Variants in PTPN2 observed in about 807,000 individuals in gnomAD.
PTPN2 encodes the protein tyrosine-protein phosphatase non-receptor type 2.
Under a neutral mutation model 57.3 loss-of-function variants are expected in PTPN2, and 19 were observed. That is an observed-to-expected ratio of 0.33 (90% CI 0.23 to 0.49). The LOEUF (loss-of-function observed/expected upper bound fraction) is 0.49, where lower values mean the gene tolerates loss of function less well. Ranked by LOEUF, PTPN2 falls within the 20% of genes least tolerant of loss-of-function variation. PTPN2 has a pLI of 0.99. For missense variants in PTPN2, 358 were observed against 501.1 expected, an observed-to-expected ratio of 0.71 and a Z score of 2.73; for synonymous variants, 153 against 164.9, an observed-to-expected ratio of 0.93 and a Z score of 0.55.
chr18:12,827,873 T>C (rs1421061283), intron 4 of PTPN2, among the ~76,000 whole-genome samples: 4 of 152,108 alleles, frequency 2.6e-5, no homozygotes, highest in Admixed American at 6.5e-5. Context: ...CAAATATTTC[T>C]TTAACAAAAA....
Position 12,800,405 on chromosome 18 carries a change from T to C in PTPN2, c.1040+1565A>G, listed in dbSNP as rs561159826. Among the ~76,000 whole-genome samples, 13 of 152,242 alleles carry C rather than the reference T, an allele frequency of 8.5e-5. No homozygotes were observed. In the South Asian group the frequency reaches 2.3e-3, roughly 27 times the overall value. On this transcript the variant is annotated intron_variant, in intron 8 of 8. Transcript: ENST00000309660. Reference sequence around the variant, plus strand: ...CACTAGGAATCTGAAAGCCTTATTATTGAAAAAGCTAAGGTAACTTAAAAC... The same window carrying C: ...CACTAGGAATCTGAAAGCCTTATTACTGAAAAAGCTAAGGTAACTTAAAAC...
At chr18:12,883,779 G>T (rs1367388395) in intron 1 of PTPN2, 1 of 287,224 alleles carries the variant, frequency 3.5e-6, no homozygotes, top group South Asian at 9.9e-5. Context: ...CGCTGGTGGC[G>T]CATCCACGCG....
At chr18:12,869,565 T>C (rs1246954144) in intron 1 of PTPN2, among the ~76,000 whole-genome samples, 1 of 152,246 alleles carries the variant, frequency 6.6e-6, no homozygotes, top group Non-Finnish European at 1.5e-5. Context: ...ATAATATTTT[T>C]AGTATTTCGT....
intron 1 of PTPN2, 83 bp downstream of exon 1, chr18:12,883,981 AGAGGCGGGG>A (rs1270576699): frequency 1.7e-5 from 20 of 1,165,320 alleles, no homozygotes; most frequent in Middle Eastern, 2.2e-4. Context: ...GCTAGAGGCG[AGAGGCGGGG>A]GAGGCGGGAG....
At chr18:12,838,936 AAGG>A (rs1382329641) in intron 2 of PTPN2, among the ~76,000 whole-genome samples, 1 of 151,948 alleles carries the variant, frequency 6.6e-6, no homozygotes, top group East Asian at 1.9e-4. Context: ...TTAAAGCAAA[AAGG>A]AGAAATAAAA....
chr18:12,818,348 T>C (rs1011026815), intron 5 of PTPN2, among the ~76,000 whole-genome samples: 1 of 152,224 alleles, frequency 6.6e-6, no homozygotes, highest in Non-Finnish European at 1.5e-5. Flanking sequence ...CTCCTCTAAA[T>C]TGTTGCCTTT....
At chr18:12,862,290 C>A (rs1207162943) in intron 1 of PTPN2, 1 of 152,172 alleles carries the variant, frequency 6.6e-6, no homozygotes, top group African/African-American at 2.4e-5. Context: ...TCTTGAGTAG[C>A]TGGGATTACA....
intron 3 of PTPN2, among the ~76,000 whole-genome samples, chr18:12,832,068 C>T (rs753065628): frequency 2.0e-5 from 3 of 152,100 alleles, no homozygotes; most frequent in Non-Finnish European, 4.4e-5. Flanking sequence ...GCTAGGGCTG[C>T]CCAGAGCTTC....
At chr18:12,874,510 A>G (rs2044406929) in intron 1 of PTPN2, among the ~76,000 whole-genome samples, 2 of 113,018 alleles carry the variant, frequency 1.8e-5, no homozygotes, top group Non-Finnish European at 3.6e-5. Flanking sequence ...CTGCCCGGCC[A>G]GCCGCCCCGT....
intron 7 of PTPN2, among the ~76,000 whole-genome samples, chr18:12,802,687 A>G (rs553291972): frequency 3.4e-4 from 52 of 152,210 alleles, no homozygotes; most frequent in African/African-American, 4.6e-4. Context: ...AAACCTGTAC[A>G]CGCCAAGAAA....
chr18:12,819,070 GACA>G, intron 5 of PTPN2: 2 of 368,518 alleles, frequency 5.4e-6, no homozygotes, highest in South Asian at 4.3e-5. Context: ...CTCCAGCCTG[GACA>G]ACGAGAGCGA....
At chr18:12,839,529 C>T (rs564448005) in intron 2 of PTPN2, 2 of 152,268 alleles carry the variant, frequency 1.3e-5, no homozygotes, top group Non-Finnish European at 2.9e-5. Context: ...TTATCTCACC[C>T]TTTCCTCTTT....
chr18:12,819,118 T>C, intron 5 of PTPN2: 1 of 476,446 alleles, frequency 2.1e-6, no homozygotes, highest in Non-Finnish European at 3.5e-6. Flanking sequence ...AAAATCCATT[T>C]TGCAGTAGAA....
At chr18:12,856,917 G>A (rs941701903) in intron 2 of PTPN2, among the ~76,000 whole-genome samples, 9 of 151,656 alleles carry the variant, frequency 5.9e-5, no homozygotes, top group South Asian at 2.1e-4. Flanking sequence ...AAAATAAGCC[G>A]GGCATGGTGG....
At position 12,859,139 on chromosome 18, in the gene PTPN2, T is replaced by G. The variant is rs940198185; in HGVS notation, c.160+25A>C. On this transcript the variant is annotated intron_variant, in intron 2 of 8. Coordinates refer to ENST00000309660, the MANE Select transcript of PTPN2 (RefSeq NM_002828.4). ...CCTAAAACAAACCAAAAAATACACA[T>G]GCACACAAACCCACAAGTACTTACA... 3 of 1,585,936 alleles carry G rather than the reference T, an allele frequency of 1.9e-6. No individual in the cohort carries two copies. The African/African-American group carries it at 4.0e-5, about 21-fold the overall frequency.
chr18:12,881,697 T>C (rs2044671973), intron 1 of PTPN2, among the ~76,000 whole-genome samples: 1 of 152,180 alleles, frequency 6.6e-6, no homozygotes, highest in African/African-American at 2.4e-5. Context: ...TTTCAAGACT[T>C]AGGTGAGGTC....
intron 9 of PTPN2, chr18:12,786,118 A>C (rs2040838263): frequency 2.2e-6 from 1 of 452,786 alleles, no homozygotes; most frequent in African/African-American, 2.1e-5. Flanking sequence ...TGAATTCTTA[A>C]GGTCATCTTA....
At chr18:12,875,860 T>A (rs1301795601) in intron 1 of PTPN2, among the ~76,000 whole-genome samples, 1 of 152,180 alleles carries the variant, frequency 6.6e-6, no homozygotes, top group East Asian at 1.9e-4. Context: ...GCTGTAACAG[T>A]TCTCCAACTG....
In PTPN2 at chr18:12,865,769, G is replaced by C. The variant is rs557456468; in HGVS notation, c.70-6515C>G. On this transcript the variant is annotated intron_variant, in intron 1 of 8. Coordinates refer to ENST00000309660, the MANE Select transcript of PTPN2 (RefSeq NM_002828.4). ...TTGAACCCAGGAGGCGGAGGTTGCA[G>C]TGAGCCGAGATAACGCCACTGCACT... Among the ~76,000 whole-genome samples, 4 of 152,004 alleles carry C rather than the reference G, an allele frequency of 2.6e-5. No homozygotes were observed. The South Asian group carries it at 8.3e-4, about 32-fold the overall frequency.
Sources: allele counts gnomAD v4.1 joint callset (sites outside exome capture counted in the v4.1 genomes callset), GRCh38; gene constraint gnomAD v4.1.1; transcripts MANE v1.5; gene names NCBI Gene and HGNC (gene_info 2026-07-23, HGNC 2026-07-21).